Variants in FUT9 observed in about 807,000 individuals in gnomAD.
FUT9 encodes the protein fucosyltransferase 9, also known as 4-galactosyl-N-acetylglucosaminide 3-alpha-L-fucosyltransferase 9.
Under a neutral mutation model 29.7 loss-of-function variants are expected in FUT9, and 15 were observed. That is an observed-to-expected ratio of 0.51 (90% confidence interval 0.34 to 0.78). The LOEUF is 0.78. Among genes scored for constraint, FUT9 ranks in the 30% least tolerant of loss-of-function variants. The pLI is 0.01. For missense variants in FUT9, 319 were observed against 425.4 expected, an observed-to-expected ratio of 0.75 and a Z score of 2.20; for synonymous variants, 169 against 153.7, an observed-to-expected ratio of 1.10 and a Z score of -0.74.
chr6:96,152,811 T>C, intron 2 of FUT9, among the ~76,000 whole-genome samples: 1 of 152,208 alleles, frequency 6.6e-6, no homozygotes, highest in East Asian at 1.9e-4. Context: ...TGTAAATAGA[T>C]AATTATTGCT....
In FUT9 at chr6:96,204,232, T is replaced by C. The variant is rs746363786; in HGVS notation, c.1077T>C (p.Asn359=). 1 of 1,441,716 alleles carries C rather than the reference T, an allele frequency of 6.9e-7. No homozygotes were observed. Among genetic ancestry groups the C allele is most frequent in the South Asian group, 1.8e-5 (1 of 54,922 alleles). 89.3% of individuals were successfully genotyped at this position (1,441,716 alleles called of 1,614,324 possible). A position where few individuals can be genotyped will look rare whatever the true frequency, so the allele number is the denominator to read the frequency against. The change falls in exon 3 of 3, where the codon AAT becomes AAC. Residue 359 remains asparagine, a synonymous_variant. Coordinates refer to ENST00000302103, the MANE Select transcript of FUT9 (RefSeq NM_006581.4). ...GTAATTTAGAGAAATGGTTTTGGAA[T>C]TAAAATTTTTCATCACTTGCACACT... ...SVGNLEKWFW[N]
At chr6:96,110,289 G>A (rs769273249) in intron 1 of FUT9, among the ~76,000 whole-genome samples, 26 of 152,026 alleles carry the variant, frequency 1.7e-4, no homozygotes, top group Admixed American at 1.4e-3. Flanking sequence ...CCTCATAAAC[G>A]TTTTTGGCTG....
chr6:96,060,263 A>C (rs1001845214), intron 1 of FUT9, among the ~76,000 whole-genome samples: 1 of 152,174 alleles, frequency 6.6e-6, no homozygotes, highest in African/African-American at 2.4e-5. Flanking sequence ...TAATATTAGA[A>C]TATTCCACAG....
intron 1 of FUT9, among the ~76,000 whole-genome samples, chr6:96,110,635 C>G (rs1046633976): frequency 6.6e-6 from 1 of 151,928 alleles, no homozygotes; most frequent in East Asian, 1.9e-4. Context: ...CCTATTCTGG[C>G]ATTTCTCAAA....
chr6:96,131,131 G>C (rs556396132), intron 2 of FUT9, among the ~76,000 whole-genome samples: 1 of 151,948 alleles, frequency 6.6e-6, no homozygotes, highest in Non-Finnish European at 1.5e-5. Flanking sequence ...TTTCTTCTAT[G>C]AGTTCCTATT....
chr6:96,042,105 C>A (rs868694829), intron 1 of FUT9, among the ~76,000 whole-genome samples: 1 of 152,144 alleles, frequency 6.6e-6, no homozygotes, highest in African/African-American at 2.4e-5. Context: ...TCCCGACATC[C>A]CTAGGTTCAT....
chr6:96,031,402 A>C (rs1469513934), intron 1 of FUT9, among the ~76,000 whole-genome samples: 2 of 149,808 alleles, frequency 1.3e-5, no homozygotes, highest in Non-Finnish European at 3.0e-5. Context: ...GATAAAAAAA[A>C]CTATAATTTA....
chr6:96,029,871 A>C (rs1770231014), intron 1 of FUT9, among the ~76,000 whole-genome samples: 1 of 151,574 alleles, frequency 6.6e-6, no homozygotes, highest in Non-Finnish European at 1.5e-5. Context: ...AAAGAGCAAA[A>C]TGAAGGTGAG....
intron 1 of FUT9, among the ~76,000 whole-genome samples, chr6:96,024,195 T>A (rs1450567538): frequency 1.3e-5 from 2 of 151,980 alleles, no homozygotes; most frequent in East Asian, 3.9e-4. Context: ...GGTGTCCACA[T>A]CCCAATATCC....
intron 1 of FUT9, among the ~76,000 whole-genome samples, chr6:96,020,397 G>A (rs764291415): frequency 1.6e-4 from 24 of 151,944 alleles, no homozygotes; most frequent in Non-Finnish European, 2.6e-4. Flanking sequence ...AGAAGGTTTC[G>A]TATCCATATG....
chr6:96,089,285 T>C (rs1450053951), intron 1 of FUT9, among the ~76,000 whole-genome samples: 1 of 152,134 alleles, frequency 6.6e-6, no homozygotes, highest in African/African-American at 2.4e-5. Flanking sequence ...CTGGATACTT[T>C]CCCCTGAGAA....
Position 96,210,239 on chromosome 6 carries a change from T to TA in FUT9, c.*6007dup. 1 of 167,048 alleles carries TA rather than the reference T, an allele frequency of 6.0e-6. No individual in the cohort carries two copies. Among genetic ancestry groups the TA allele is most frequent in the East Asian group, 1.9e-4 (1 of 5,178 alleles). 10.3% of individuals were successfully genotyped at this position (167,048 alleles called of 1,614,324 possible). A position where few individuals can be genotyped will look rare whatever the true frequency, so the allele number is the denominator to read the frequency against. ...CCTGGAATCTTCTTAAATATATCGG[T>TA]AAAGTATTCTACTTCAAAATCCAAG... On this transcript the variant is annotated 3_prime_UTR_variant, in exon 3 of 3. Transcript: ENST00000302103.
intron 1 of FUT9, among the ~76,000 whole-genome samples, chr6:96,065,462 AC>A: frequency 6.6e-6 from 1 of 152,086 alleles, no homozygotes; most frequent in Non-Finnish European, 1.5e-5. Flanking sequence ...ATTCCTGGCA[AC>A]TTGCTCAGTT....
intron 2 of FUT9, among the ~76,000 whole-genome samples, chr6:96,167,068 ACT>A (rs1345339798): frequency 6.6e-6 from 1 of 152,170 alleles, no homozygotes; most frequent in Non-Finnish European, 1.5e-5. Flanking sequence ...GTAACTTTTT[ACT>A]CTCTGATTAA....
intron 2 of FUT9, among the ~76,000 whole-genome samples, chr6:96,162,975 C>T (rs533890512): frequency 3.0e-4 from 46 of 152,262 alleles, no homozygotes; most frequent in African/African-American, 1.1e-3. Context: ...AGGCCTTTGT[C>T]ATGGAGATTG....
chr6:96,025,253 C>G (rs1770144129), intron 1 of FUT9, among the ~76,000 whole-genome samples: 1 of 151,674 alleles, frequency 6.6e-6, no homozygotes, highest in Admixed American at 6.6e-5. Context: ...AGACTGGACT[C>G]GATTCCAGTC....
At chr6:96,056,841 ACT>A (rs1339099394) in intron 1 of FUT9, among the ~76,000 whole-genome samples, 4 of 152,072 alleles carry the variant, frequency 2.6e-5, no homozygotes, top group Non-Finnish European at 5.9e-5. Context: ...TACAATATAC[ACT>A]CTCTGACTTA....
At chr6:96,127,455 G>A (rs577181764) in intron 2 of FUT9, among the ~76,000 whole-genome samples, 40 of 152,156 alleles carry the variant, frequency 2.6e-4, no homozygotes, top group African/African-American at 9.6e-4. Context: ...GAGCTTTTAG[G>A]TTTATTCCGT....
rs368834715 is a variant in FUT9, at chr6:96,048,558, A to C, written c.-98+32346A>C. Among the ~76,000 whole-genome samples the C allele has an allele frequency of 2.4e-4, 36 of 152,310 alleles. 1 individual carries two copies. Among genetic ancestry groups the C allele is most frequent in the Middle Eastern group, 6.8e-3 (2 of 294 alleles). On this transcript the variant is annotated intron_variant, in intron 1 of 2. Coordinates refer to ENST00000302103, the MANE Select transcript of FUT9 (RefSeq NM_006581.4). ...AGGATAAATGGTACTCCCATTCATG[A>C]AGTTGGGGCTAGAAGGAGAGAATAA...
Sources: allele counts gnomAD v4.1 joint callset (sites outside exome capture counted in the v4.1 genomes callset), GRCh38; gene constraint gnomAD v4.1.1; transcripts MANE v1.5; gene names NCBI Gene and HGNC (gene_info 2026-07-23, HGNC 2026-07-21).